The following CADM1 variants were observed in gnomAD, a reference collection of about 807,000 sequenced individuals.
CADM1 encodes TSLC-1.
CADM1 carries 15 observed loss-of-function variants against 53.1 expected under a neutral mutation model. That is an observed-to-expected ratio of 0.28 (90% CI 0.19 to 0.44). CADM1 has a LOEUF of 0.44. Among genes scored for constraint, CADM1 ranks in the 20% least tolerant of loss-of-function variants. The pLI is 1.00. For synonymous variants in CADM1, 281 were observed against 243.0 expected, an observed-to-expected ratio of 1.16 and a Z score of -1.45; for missense variants, 434 against 611.3, an observed-to-expected ratio of 0.71 and a Z score of 3.06.
intron 1 of CADM1, among the ~76,000 whole-genome samples, chr11:115,299,722 G>A (rs113075788): frequency 0.014 from 2,063 of 152,144 alleles, 51 homozygotes; most frequent in African/African-American, 0.046. Context: ...GAAGCAAGAC[G>A]GAGATGGCCT....
rs528570374 is a variant in CADM1 at position 115,460,358 on chromosome 11, G to C, written c.124+43913C>G. The stretch of plus-strand genomic sequence containing the variant: ...AGGCCAGGCTTTTCAGGTGCTAGAA[G>C]TATGTCACACAATACAATATTTACA... On this transcript the variant is annotated intron_variant, in intron 1 of 11. Transcript: ENST00000331581. 5.9e-5 allele frequency among the ~76,000 whole-genome samples: 9 copies of C among 152,316 alleles called. No individual in the cohort carries two copies. The East Asian group carries it at 1.5e-3, about 26-fold the overall frequency.
chr11:115,428,608 ATCCAGTCTAGAAGCCTTGCAATTG>A (rs1947958514), intron 1 of CADM1, among the ~76,000 whole-genome samples: 1 of 152,174 alleles, frequency 6.6e-6, no homozygotes, highest in African/African-American at 2.4e-5. Flanking sequence ...GTAACCTAGC[ATCCAGTCTAGAAGCCTTGCAATTG>A]TCTATAAGCT....
chr11:115,490,038 G>A (rs1949457406), intron 1 of CADM1, among the ~76,000 whole-genome samples: 1 of 152,232 alleles, frequency 6.6e-6, no homozygotes, highest in Non-Finnish European at 1.5e-5. Context: ...CACACTGAAA[G>A]AGGGTAAGCC....
intron 1 of CADM1, among the ~76,000 whole-genome samples, chr11:115,417,359 G>A (rs1947626510): frequency 6.6e-6 from 1 of 152,174 alleles, no homozygotes. Flanking sequence ...ACCTAACTAA[G>A]TAGTCCTCCT....
At chr11:115,238,972 G>A (rs932933746) in intron 2 of CADM1, among the ~76,000 whole-genome samples, 1 of 151,866 alleles carries the variant, frequency 6.6e-6, no homozygotes, top group African/African-American at 2.4e-5. Context: ...ACTCATACAT[G>A]TTTTCAGGTT....
chr11:115,274,869 G>A (rs956026074), intron 1 of CADM1, among the ~76,000 whole-genome samples: 21 of 152,174 alleles, frequency 1.4e-4, no homozygotes, highest in African/African-American at 4.3e-4. Flanking sequence ...CACCATAAGC[G>A]CTCTCCTTTT....
intron 1 of CADM1, among the ~76,000 whole-genome samples, chr11:115,247,649 A>T (rs1942449805): frequency 6.6e-6 from 1 of 152,168 alleles, no homozygotes; most frequent in Non-Finnish European, 1.5e-5. Context: ...AATGCATTCC[A>T]CTCAGGGTCT....
chr11:115,235,912 GAAAC>G (rs1397378441), intron 3 of CADM1, among the ~76,000 whole-genome samples: 1 of 152,108 alleles, frequency 6.6e-6, no homozygotes, highest in Non-Finnish European at 1.5e-5. Context: ...TCTGGAGAAA[GAAAC>G]AAAATCGTCA....
chr11:115,346,441 CG>C (rs1392425426), intron 1 of CADM1, among the ~76,000 whole-genome samples: 3 of 152,140 alleles, frequency 2.0e-5, no homozygotes, highest in Admixed American at 6.5e-5. Flanking sequence ...CTATGTTCCC[CG>C]GGCTGATCTT....
intron 1 of CADM1, among the ~76,000 whole-genome samples, chr11:115,406,370 T>TA (rs982379599): frequency 9.2e-5 from 14 of 151,574 alleles, no homozygotes; most frequent in East Asian, 7.7e-4. Context: ...ACAAAACAAT[T>TA]AAAAAAAATC....
intron 1 of CADM1, among the ~76,000 whole-genome samples, chr11:115,241,160 A>G (rs2134916885): frequency 6.6e-6 from 1 of 152,264 alleles, no homozygotes; most frequent in South Asian, 2.1e-4. Context: ...ATTCACTGAT[A>G]TATAAGGATT....
chr11:115,318,798 T>C (rs1944743262), intron 1 of CADM1, among the ~76,000 whole-genome samples: 1 of 152,202 alleles, frequency 6.6e-6, no homozygotes, highest in Non-Finnish European at 1.5e-5. Context: ...CTCTGAGGTT[T>C]CCAGCCTGTT....
chr11:115,313,982 T>G (rs1376412633), intron 1 of CADM1, among the ~76,000 whole-genome samples: 2 of 152,110 alleles, frequency 1.3e-5, no homozygotes, highest in Non-Finnish European at 2.9e-5. Flanking sequence ...AATGTGAAGC[T>G]CTCTATCCTC....
At chr11:115,310,588 C>A (rs1482426145) in intron 1 of CADM1, among the ~76,000 whole-genome samples, 1 of 152,092 alleles carries the variant, frequency 6.6e-6, no homozygotes, top group East Asian at 1.9e-4. Flanking sequence ...GTCGGTGAAA[C>A]CCCGGGGCTT....
At chr11:115,231,203 G>T in intron 4 of CADM1, 150 bp downstream of exon 4, 1 of 878,314 alleles carries the variant, frequency 1.1e-6, no homozygotes, top group Non-Finnish European at 1.9e-6. Context: ...TTATGCTTTG[G>T]CCTCAGACAT....
chr11:115,263,234 C>T (rs1203787322), intron 1 of CADM1, among the ~76,000 whole-genome samples: 2 of 152,176 alleles, frequency 1.3e-5, no homozygotes, highest in Non-Finnish European at 2.9e-5. Context: ...TTTACCTTTC[C>T]AGAGTCTGTT....
intron 1 of CADM1, among the ~76,000 whole-genome samples, chr11:115,315,154 C>T (rs750630252): frequency 6.6e-6 from 1 of 151,968 alleles, no homozygotes; most frequent in Non-Finnish European, 1.5e-5. Flanking sequence ...TACGCCTTTA[C>T]TAACTGTTCT....
At chr11:115,225,322 G>GA (rs397696824) in intron 5 of CADM1, among the ~76,000 whole-genome samples, 5 of 147,676 alleles carry the variant, frequency 3.4e-5, no homozygotes, top group East Asian at 2.0e-4. Context: ...AAGGGGGGGG[G>GA]ACTTTAATTC....
At chr11:115,493,981 T>C (rs751519153) in intron 1 of CADM1, among the ~76,000 whole-genome samples, 33 of 152,258 alleles carry the variant, frequency 2.2e-4, no homozygotes, top group Admixed American at 1.1e-3. Context: ...AATATGAACA[T>C]AGACTATATA....
Sources: gnomAD v4.1 joint callset for allele counts (sites outside exome capture counted in the v4.1 genomes callset) on GRCh38, gnomAD v4.1.1 for gene constraint, MANE v1.5 for transcripts, NCBI Gene and HGNC (gene_info 2026-07-23, HGNC 2026-07-21) for gene names.